RAP1A: variants seen among roughly 807,000 people sequenced by gnomAD.
RAP1A encodes RAP1A, member of RAS oncogene family, also known as ras-related protein Rap-1A.
In RAP1A, 6 loss-of-function variants were observed where a neutral mutation model predicts 26.4. The observed-to-expected ratio is 0.23, with a 90% CI of 0.12 to 0.45. The LOEUF is 0.45. Ranked by LOEUF, RAP1A falls within the 20% of genes least tolerant of loss-of-function variation. The probability of loss-of-function intolerance (pLI) is 0.99; values close to 1 mark genes in which losing one functional copy is unlikely to be tolerated. For missense variants in RAP1A, 121 were observed against 217.2 expected (o/e 0.56, Z 2.78); for synonymous variants, 73 against 79.4 (o/e 0.92, Z 0.43).
rs555357614 is a variant in RAP1A at position 111,665,200 on chromosome 1, AT to A, written c.-27-26133del. On this transcript the variant is annotated intron_variant, in intron 1 of 7. Transcript: ENST00000369709. ...GGAAAGGTTATAACATTTTAGCTGG[AT>A]AATAGTTTGAAAAACAAAGATATCA... is the stretch of plus-strand genomic sequence containing the variant. Among the ~76,000 whole-genome samples the A allele has an allele frequency of 1.5e-4, 23 of 152,348 alleles. No homozygotes were observed. In the East Asian group the frequency reaches 3.9e-3, roughly 26 times the overall value.
intron 1 of RAP1A, among the ~76,000 whole-genome samples, chr1:111,565,089 G>A (rs561893671): frequency 6.6e-6 from 1 of 152,266 alleles, no homozygotes; most frequent in African/African-American, 2.4e-5. Context: ...GAAGCCAATT[G>A]GCCCTCAAGA....
chr1:111,552,205 C>CCAGACAAT (rs1312293934), intron 1 of RAP1A, among the ~76,000 whole-genome samples: 4 of 152,152 alleles, frequency 2.6e-5, no homozygotes, highest in African/African-American at 9.7e-5. Context: ...TAGGGAGTCA[C>CCAGACAAT]CAGACAATCA....
At chr1:111,638,704 G>T (rs1014517468) in intron 1 of RAP1A, among the ~76,000 whole-genome samples, 2 of 152,110 alleles carry the variant, frequency 1.3e-5, no homozygotes, top group African/African-American at 4.8e-5. Context: ...GGGATTATAG[G>T]TGTGAGCCAC....
intron 1 of RAP1A, among the ~76,000 whole-genome samples, chr1:111,561,423 C>T (rs1264467532): frequency 6.6e-6 from 1 of 152,182 alleles, no homozygotes; most frequent in Non-Finnish European, 1.5e-5. Context: ...TGCCCAGCTC[C>T]AATCATTAAT....
chr1:111,651,526 T>TAGTGC (rs1660269851), intron 1 of RAP1A, among the ~76,000 whole-genome samples: 1 of 148,304 alleles, frequency 6.7e-6, no homozygotes, highest in Non-Finnish European at 1.5e-5. Flanking sequence ...ACCCAGGCTA[T>TAGTGC]AGTGCAGTGG....
intron 1 of RAP1A, among the ~76,000 whole-genome samples, chr1:111,646,440 C>CAA (rs1660069931): frequency 8.0e-6 from 1 of 124,468 alleles, no homozygotes; most frequent in Non-Finnish European, 1.6e-5. Flanking sequence ...AAAAACAAAA[C>CAA]AAAACCTCAA....
intron 1 of RAP1A, among the ~76,000 whole-genome samples, chr1:111,600,522 C>G (rs1047705425): frequency 1.3e-5 from 2 of 152,238 alleles, no homozygotes; most frequent in South Asian, 2.1e-4. Flanking sequence ...CTAGCCTCCC[C>G]TCTCCAGCGT....
chr1:111,607,738 G>A (rs1658821494), intron 1 of RAP1A, among the ~76,000 whole-genome samples: 1 of 139,520 alleles, frequency 7.2e-6, no homozygotes, highest in Non-Finnish European at 1.6e-5. Context: ...CCGGGCAGAG[G>A]GGCTCCTCAC....
At chr1:111,676,375 G>A (rs932941471) in intron 1 of RAP1A, among the ~76,000 whole-genome samples, 4 of 151,958 alleles carry the variant, frequency 2.6e-5, no homozygotes, top group African/African-American at 9.7e-5. Flanking sequence ...AATAAGGTGA[G>A]ATTTGGGTGG....
At chr1:111,664,911 T>G (rs1337014861) in intron 1 of RAP1A, among the ~76,000 whole-genome samples, 2 of 152,222 alleles carry the variant, frequency 1.3e-5, no homozygotes, top group East Asian at 1.9e-4. Context: ...TATTGTTGTG[T>G]TGTTGTTATA....
intron 1 of RAP1A, among the ~76,000 whole-genome samples, chr1:111,641,521 A>G (rs970545050): frequency 3.3e-5 from 5 of 152,164 alleles, no homozygotes; most frequent in Admixed American, 3.3e-4. Flanking sequence ...TAGCCTGCAT[A>G]TGGAAGCTTG....
Position 111,702,454 on chromosome 1 carries a change from T to G in RAP1A, c.184-882T>G, listed in dbSNP as rs766320864. ...TTTGGCATGACTAAAGCTCAGTAACTAAATGTTAACCATTAGTAAATTTAA... is the reference window on the plus strand; with the variant it reads ...TTTGGCATGACTAAAGCTCAGTAACGAAATGTTAACCATTAGTAAATTTAA... On this transcript the variant is annotated intron_variant, in intron 4 of 7. Transcript: ENST00000369709. Among the ~76,000 whole-genome samples, 35 of 152,168 alleles carry G rather than the reference T, an allele frequency of 2.3e-4. 1 individual carries two copies. Among genetic ancestry groups the G allele is most frequent in the Non-Finnish European group, 3.8e-4 (26 of 68,032 alleles).
intron 1 of RAP1A, among the ~76,000 whole-genome samples, chr1:111,600,711 AT>A (rs1269386304): frequency 6.6e-6 from 1 of 152,240 alleles, no homozygotes; most frequent in Non-Finnish European, 1.5e-5. Flanking sequence ...CACTGGTGCC[AT>A]TTACAGAGAA....
At chr1:111,679,924 G>A (rs1303151643) in intron 1 of RAP1A, among the ~76,000 whole-genome samples, 1 of 152,178 alleles carries the variant, frequency 6.6e-6, no homozygotes, top group Non-Finnish European at 1.5e-5. Context: ...CATCTCCCTG[G>A]TACAGAGCAC....
intron 3 of RAP1A, among the ~76,000 whole-genome samples, chr1:111,697,200 T>C (rs1183962732): frequency 1.3e-5 from 2 of 152,212 alleles, no homozygotes; most frequent in Admixed American, 1.3e-4. Flanking sequence ...TAAGAATCGT[T>C]ACAGAGGTCA....
chr1:111,667,816 G>A (rs2101173573), intron 1 of RAP1A, among the ~76,000 whole-genome samples: 1 of 152,186 alleles, frequency 6.6e-6, no homozygotes, highest in South Asian at 2.1e-4. Flanking sequence ...ACTGACATAA[G>A]ATATGCTCAG....
intron 1 of RAP1A, among the ~76,000 whole-genome samples, chr1:111,548,099 C>T (rs369421586): frequency 2.6e-5 from 4 of 152,224 alleles, no homozygotes; most frequent in Non-Finnish European, 4.4e-5. Context: ...CGGCTCACTG[C>T]AACCTCCACC....
chr1:111,679,524 T>G (rs988750539), intron 1 of RAP1A, among the ~76,000 whole-genome samples: 1 of 151,986 alleles, frequency 6.6e-6, no homozygotes, highest in African/African-American at 2.4e-5. Flanking sequence ...TTTCTTTTTT[T>G]TTGTACCCAG....
At chr1:111,678,025 A>G (rs1661180067) in intron 1 of RAP1A, among the ~76,000 whole-genome samples, 1 of 152,240 alleles carries the variant, frequency 6.6e-6, no homozygotes, top group Non-Finnish European at 1.5e-5. Flanking sequence ...CGTTATGCTG[A>G]TATCACACAA....
Sources: gnomAD v4.1 joint callset for allele counts (sites outside exome capture counted in the v4.1 genomes callset) on GRCh38, gnomAD v4.1.1 for gene constraint, MANE v1.5 for transcripts, NCBI Gene and HGNC (gene_info 2026-07-23, HGNC 2026-07-21) for gene names.